The following HSF2BP variants were observed in gnomAD, a reference collection of about 807,000 sequenced individuals.
The protein encoded by HSF2BP is heat shock factor 2-binding protein.
Under a neutral mutation model 35.0 loss-of-function variants are expected in HSF2BP, and 35 were observed. The observed-to-expected ratio is 1.00, with a 90% CI of 0.76 to 1.32. The LOEUF (loss-of-function observed/expected upper bound fraction) is 1.32, where lower values mean the gene tolerates loss of function less well. Ranked by LOEUF, HSF2BP falls within the 40% of genes most tolerant of loss-of-function variation. The pLI is 0.00. For missense variants in HSF2BP, 326 were observed against 321.7 expected, an observed-to-expected ratio of 1.01 and a Z score of -0.10; for synonymous variants, 114 against 117.4, an observed-to-expected ratio of 0.97 and a Z score of 0.18.
chr21:43,612,196 C>A (rs1002206972), intron 7 of HSF2BP, among the ~76,000 whole-genome samples: 1 of 152,156 alleles, frequency 6.6e-6, no homozygotes, highest in African/African-American at 2.4e-5. Flanking sequence ...TAAACAAGAC[C>A]AGTGATCACG....
At chr21:43,650,363 T>C (rs2082767123) in intron 3 of HSF2BP, among the ~76,000 whole-genome samples, 2 of 151,888 alleles carry the variant, frequency 1.3e-5, no homozygotes, top group Non-Finnish European at 2.9e-5. Flanking sequence ...CCCGCCACCA[T>C]GCCCGGCTAA....
intron 7 of HSF2BP, among the ~76,000 whole-genome samples, chr21:43,608,767 T>A (rs1355835467): frequency 1.3e-5 from 2 of 151,612 alleles, no homozygotes; most frequent in Non-Finnish European, 2.9e-5. Flanking sequence ...TTCAAGACTA[T>A]CCTGGGCAAG....
At chr21:43,615,694 G>T in intron 6 of HSF2BP, among the ~76,000 whole-genome samples, 1 of 152,072 alleles carries the variant, frequency 6.6e-6, no homozygotes, top group Non-Finnish European at 1.5e-5. Context: ...TTTGGTCAAT[G>T]AATTTTAACC....
intron 8 of HSF2BP, among the ~76,000 whole-genome samples, chr21:43,578,528 C>G (rs920539403): frequency 6.6e-6 from 1 of 152,184 alleles, no homozygotes; most frequent in Non-Finnish European, 1.5e-5. Context: ...CCATTCTACA[C>G]AGACACAACC....
intron 3 of HSF2BP, among the ~76,000 whole-genome samples, chr21:43,650,988 G>A (rs1244279547): frequency 6.6e-6 from 1 of 151,868 alleles, no homozygotes; most frequent in Non-Finnish European, 1.5e-5. Flanking sequence ...GATTACAGGC[G>A]TGAGCCACCG....
At position 43,651,004 on chromosome 21, in the gene HSF2BP, G is replaced by A. The variant is rs747850193; in HGVS notation, c.187+5583C>T. On this transcript the variant is annotated intron_variant, in intron 3 of 8. Coordinates refer to ENST00000291560, the MANE Select transcript of HSF2BP (RefSeq NM_007031.2). ...ATTACAGGCGTGAGCCACCGCACCC[G>A]GCCCGGTTTACATCTCTTGCAAACA... Among the ~76,000 whole-genome samples the A allele has an allele frequency of 5.9e-5, 9 of 152,122 alleles. No individual in the cohort carries two copies. The South Asian group carries it at 1.0e-3, about 18-fold the overall frequency.
At chr21:43,635,469 T>C (rs1210950071) in intron 4 of HSF2BP, among the ~76,000 whole-genome samples, 1 of 152,228 alleles carries the variant, frequency 6.6e-6, no homozygotes, top group Non-Finnish European at 1.5e-5. Flanking sequence ...CATTGTGGTA[T>C]TGCTATAAGG....
chr21:43,651,046 G>A (rs534328593), intron 3 of HSF2BP, among the ~76,000 whole-genome samples: 10 of 152,134 alleles, frequency 6.6e-5, no homozygotes, highest in South Asian at 6.2e-4. Context: ...AGTCTTACTC[G>A]AACCTCCCTA....
intron 6 of HSF2BP, among the ~76,000 whole-genome samples, chr21:43,623,347 G>T (rs2082352727): frequency 6.6e-6 from 1 of 152,054 alleles, no homozygotes; most frequent in African/African-American, 2.4e-5. Flanking sequence ...ATAAATGCCT[G>T]TATCAAAAAA....
intron 8 of HSF2BP, among the ~76,000 whole-genome samples, chr21:43,572,142 A>T (rs1019779858): frequency 1.3e-5 from 2 of 152,078 alleles, no homozygotes; most frequent in Admixed American, 6.5e-5. Context: ...GGGGGAGGAG[A>T]GGGGATACCA....
intron 8 of HSF2BP, among the ~76,000 whole-genome samples, chr21:43,589,180 T>C (rs985361377): frequency 2.0e-5 from 3 of 152,154 alleles, no homozygotes; most frequent in Non-Finnish European, 4.4e-5. Flanking sequence ...GGAAACATTA[T>C]CTTTACTACA....
chr21:43,577,184 A>C (rs1482679725), intron 8 of HSF2BP, among the ~76,000 whole-genome samples: 1 of 152,184 alleles, frequency 6.6e-6, no homozygotes, highest in Non-Finnish European at 1.5e-5. Flanking sequence ...TGGTGTCTTC[A>C]CATTTTAAGA....
chr21:43,604,524 ACACACACAC>A (rs1568905185), intron 7 of HSF2BP, among the ~76,000 whole-genome samples: 1 of 134,888 alleles, frequency 7.4e-6, no homozygotes, highest in Non-Finnish European at 1.6e-5. Flanking sequence ...TACACACCCC[ACACACACAC>A]CACACACACC....
intron 4 of HSF2BP, among the ~76,000 whole-genome samples, chr21:43,639,254 T>C (rs1055759076): frequency 6.6e-6 from 1 of 152,220 alleles, no homozygotes; most frequent in African/African-American, 2.4e-5. Flanking sequence ...GAAAAATTCT[T>C]AGACATAACA....
chr21:43,643,826 C>T (rs771364827), intron 4 of HSF2BP, among the ~76,000 whole-genome samples: 4 of 151,940 alleles, frequency 2.6e-5, no homozygotes, highest in Non-Finnish European at 4.4e-5. Flanking sequence ...GCCGTGGTGG[C>T]GGCCACCTGT....
At chr21:43,640,416 G>A (rs1354345285) in intron 4 of HSF2BP, among the ~76,000 whole-genome samples, 1 of 152,250 alleles carries the variant, frequency 6.6e-6, no homozygotes, top group African/African-American at 2.4e-5. Flanking sequence ...GGAATGGGGT[G>A]GATGTGGCTA....
At chr21:43,605,916 C>T (rs929452140) in intron 7 of HSF2BP, among the ~76,000 whole-genome samples, 1 of 152,096 alleles carries the variant, frequency 6.6e-6, no homozygotes, top group African/African-American at 2.4e-5. Context: ...ACCCACACCA[C>T]ACACACACAT....
At chr21:43,585,743 T>G (rs1213757506) in intron 8 of HSF2BP, among the ~76,000 whole-genome samples, 1 of 152,046 alleles carries the variant, frequency 6.6e-6, no homozygotes, top group Non-Finnish European at 1.5e-5. Context: ...ACAGACTGAA[T>G]GAGGGCGTAA....
At chr21:43,642,133 TA>T (rs904520864) in intron 4 of HSF2BP, among the ~76,000 whole-genome samples, 1 of 151,908 alleles carries the variant, frequency 6.6e-6, no homozygotes, top group Non-Finnish European at 1.5e-5. Context: ...CCCATCTCTA[TA>T]AAAAAATTTT....
Sources: gnomAD v4.1 joint callset for allele counts (sites outside exome capture counted in the v4.1 genomes callset) on GRCh38, gnomAD v4.1.1 for gene constraint, MANE v1.5 for transcripts, NCBI Gene and HGNC (gene_info 2026-07-23, HGNC 2026-07-21) for gene names.